The following SH3PXD2A variants were observed in gnomAD, a reference collection of about 807,000 sequenced individuals.
SH3PXD2A encodes SH3 and PX domain-containing protein 2A.
In SH3PXD2A, 32 loss-of-function variants were observed where a neutral mutation model predicts 115.2. The ratio of observed to expected loss-of-function variants is 0.28; its 90% CI spans 0.21 to 0.37. The LOEUF (loss-of-function observed/expected upper bound fraction) is 0.37, where lower values mean the gene tolerates loss of function less well. Among genes scored for constraint, SH3PXD2A ranks in the 10% least tolerant of loss-of-function variants. The pLI is 1.00. For synonymous variants in SH3PXD2A, 610 were observed against 629.1 expected (o/e 0.97, Z 0.45); for missense variants, 1,328 against 1,498.7 (o/e 0.89, Z 1.88).
At chr10:103,677,989 G>T in intron 6 of SH3PXD2A, 1 of 588,808 alleles carries the variant, frequency 1.7e-6, no homozygotes, top group Non-Finnish European at 2.9e-6. Context: ...AGTGGCTCCC[G>T]TGCAGGCCTC....
At chr10:103,612,780 G>C in intron 12 of SH3PXD2A, 73 bp downstream of exon 12, 5 of 1,094,160 alleles carry the variant, frequency 4.6e-6, no homozygotes, top group Non-Finnish European at 3.9e-6. Context: ...GCACCCCCCT[G>C]GCTTTCACGG....
rs753624367 is a variant in SH3PXD2A, at chr10:103,603,792, G to A, written c.1429-3C>T. 3 of 1,599,750 alleles carry A rather than the reference G, an allele frequency of 1.9e-6. No homozygotes were observed. The highest frequency in any genetic ancestry group is 2.7e-5 in the African/African-American group (2 of 74,824). On this transcript the variant is annotated splice_polypyrimidine_tract_variant and splice_region_variant and intron_variant, in intron 14 of 14. Transcript: ENST00000369774. ...CCACCTGAGTTCTTATCAATGACCTGGGGTACGAGTGCAGACAAGCCAGTG... is the reference window on the plus strand; with the variant it reads ...CCACCTGAGTTCTTATCAATGACCTAGGGTACGAGTGCAGACAAGCCAGTG...
intron 6 of SH3PXD2A, among the ~76,000 whole-genome samples, chr10:103,685,063 C>G (rs1210593584): frequency 1.4e-5 from 2 of 145,366 alleles, no homozygotes; most frequent in Non-Finnish European, 3.0e-5. Context: ...AAAGGCCAGT[C>G]ATGGTGGTTC....
intron 5 of SH3PXD2A, among the ~76,000 whole-genome samples, chr10:103,700,004 C>G (rs1434627812): frequency 6.6e-6 from 1 of 152,232 alleles, no homozygotes; most frequent in Non-Finnish European, 1.5e-5. Flanking sequence ...CCCCGCCCCC[C>G]AGGCATTTTG....
At chr10:103,734,281 C>G (rs2038355571) in intron 4 of SH3PXD2A, among the ~76,000 whole-genome samples, 1 of 152,190 alleles carries the variant, frequency 6.6e-6, no homozygotes, top group Admixed American at 6.5e-5. Context: ...AGTCAGGAAC[C>G]ACAGTGGGTT....
intron 1 of SH3PXD2A, among the ~76,000 whole-genome samples, chr10:103,832,500 A>T (rs2039491943): frequency 6.6e-6 from 1 of 152,206 alleles, no homozygotes; most frequent in South Asian, 2.1e-4. Context: ...CTTGGAACCA[A>T]CCCAAATGTC....
intron 7 of SH3PXD2A, chr10:103,661,680 AGGAGAGAGCG>A (rs1475080276): frequency 4.1e-5 from 40 of 984,682 alleles, no homozygotes; most frequent in Non-Finnish European, 4.8e-5. Flanking sequence ...GGAGAGGGAG[AGGAGAGAGCG>A]GGAGAGAGCT....
At chr10:103,720,388 C>T (rs565855451) in intron 5 of SH3PXD2A, among the ~76,000 whole-genome samples, 1 of 152,196 alleles carries the variant, frequency 6.6e-6, no homozygotes, top group African/African-American at 2.4e-5. Flanking sequence ...GGGTCTGGCT[C>T]TCCGCCTGCA....
chr10:103,682,985 G>C (rs1395803638), intron 6 of SH3PXD2A, among the ~76,000 whole-genome samples: 1 of 152,140 alleles, frequency 6.6e-6, no homozygotes, highest in African/African-American at 2.4e-5. Context: ...CACTCTCCAT[G>C]ACTTCCTTTC....
chr10:103,615,483 G>GGTGGGT (rs2036498902), intron 11 of SH3PXD2A, among the ~76,000 whole-genome samples: 1 of 128,524 alleles, frequency 7.8e-6, no homozygotes, highest in Non-Finnish European at 1.6e-5. Context: ...AGAGTGCGAG[G>GGTGGGT]GTGTGTGTGT....
chr10:103,605,488 T>A (rs879826307), intron 14 of SH3PXD2A, among the ~76,000 whole-genome samples: 1 of 152,234 alleles, frequency 6.6e-6, no homozygotes, highest in Non-Finnish European at 1.5e-5. Context: ...TAATCCACTG[T>A]CCTGCAAGCT....
Position 103,628,728 on chromosome 10 carries a change from C to T in SH3PXD2A, c.605-1526G>A, listed in dbSNP as rs867883456. On this transcript the variant is annotated intron_variant, in intron 8 of 14. Coordinates refer to ENST00000369774, the MANE Select transcript of SH3PXD2A (RefSeq NM_001394015.1). ...TGGAGACCACAACCTTCTCTTATGA[C>T]ACAACCCATACACACCTGAAAAAAG... is the stretch of plus-strand genomic sequence containing the variant. Among the ~76,000 whole-genome samples, 3 of 152,208 alleles carry T rather than the reference C, an allele frequency of 2.0e-5. No individual in the cohort carries two copies. In the South Asian group the frequency reaches 6.2e-4, roughly 31 times the overall value.
rs377725234 is a variant in SH3PXD2A at position 103,808,677 on chromosome 10, A to G, written c.73-7315T>C. ...TTGTGGTGCTCATAGTATGCTTTCC[A>G]TGATTAGTCAATTATTATATCTGCC... On this transcript the variant is annotated intron_variant, in intron 1 of 14. Transcript: ENST00000369774. 7.8e-4 allele frequency among the ~76,000 whole-genome samples: 118 copies of G among 152,246 alleles called. 3 individuals are homozygous for G. The South Asian group carries it at 0.023, about 30-fold the overall frequency.
At chr10:103,680,962 C>T (rs533240216) in intron 6 of SH3PXD2A, among the ~76,000 whole-genome samples, 65 of 152,258 alleles carry the variant, frequency 4.3e-4, no homozygotes, top group Non-Finnish European at 7.9e-4. Flanking sequence ...TTTGTTTTTC[C>T]GCCGGCTTTG....
In SH3PXD2A at chr10:103,617,306, A is replaced by G. The variant is rs747363516; in HGVS notation, c.811T>C (p.Tyr271His). The stretch of plus-strand genomic sequence containing the variant: ...CTGGTGTAAGGCTGCACGGTGACAT[A>G]CTTCTCCTCTGGGGGTGGGAGCAAG... ...VNRQHSREEK[Y>H]VTVQPYTSQS... The change falls in exon 11 of 15, where the codon TAT becomes CAT. Residue 271 changes from tyrosine to histidine, a missense_variant. By Grantham distance (83) the Tyr-to-His change is moderately conservative. This residue lies in a region of SH3PXD2A where 509 missense variants were observed against 628.3 expected (regional missense o/e 0.81). Transcript: ENST00000369774. The G allele has an allele frequency of 6.2e-7, 1 of 1,612,690 alleles. No individual in the cohort carries two copies. Among genetic ancestry groups the G allele is most frequent in the South Asian group, 1.1e-5 (1 of 91,048 alleles).
chr10:103,657,436 A>T (rs1238402343), intron 8 of SH3PXD2A, among the ~76,000 whole-genome samples: 1 of 152,200 alleles, frequency 6.6e-6, no homozygotes, highest in African/African-American at 2.4e-5. Context: ...GAGGCGCCTT[A>T]TGCACTTTTG....
intron 1 of SH3PXD2A, among the ~76,000 whole-genome samples, chr10:103,848,067 A>C (rs1842864592): frequency 6.6e-6 from 1 of 152,288 alleles, no homozygotes; most frequent in African/African-American, 2.4e-5. Context: ...GGCCCCCAGA[A>C]CCTACGAGGA....
Position 103,735,817 on chromosome 10 carries a change from G to T in SH3PXD2A, c.230-9C>A, listed in dbSNP as rs1413084635. ...GCGGAAGAGGATCTTGCCTGGAAGA[G>T]AGATGCTCATGAGTGGGGGATTCTG... On this transcript the variant is annotated splice_polypyrimidine_tract_variant and intron_variant, in intron 3 of 14. Coordinates refer to ENST00000369774, the MANE Select transcript of SH3PXD2A (RefSeq NM_001394015.1). 11 of 1,612,202 alleles carry T rather than the reference G, an allele frequency of 6.8e-6. No individual in the cohort carries two copies. The highest frequency in any genetic ancestry group is 9.3e-6 in the Non-Finnish European group (11 of 1,178,302).
At position 103,803,839 on chromosome 10, in the gene SH3PXD2A, T is replaced by C. The variant is rs547905318; in HGVS notation, c.73-2477A>G. Among the ~76,000 whole-genome samples the C allele has an allele frequency of 2.2e-4, 33 of 152,318 alleles. 1 individual carries two copies. Among genetic ancestry groups the C allele is most frequent in the African/African-American group, 7.0e-4 (29 of 41,572 alleles). ...CCTGATGACATGTGCCCAAGGTGGATGGGGTACAGCCTGCGTTATACATTT... is the reference window on the plus strand; with the variant it reads ...CCTGATGACATGTGCCCAAGGTGGACGGGGTACAGCCTGCGTTATACATTT... On this transcript the variant is annotated intron_variant, in intron 1 of 14. Coordinates refer to ENST00000369774, the MANE Select transcript of SH3PXD2A (RefSeq NM_001394015.1).
Sources: gnomAD v4.1 joint callset for allele counts (sites outside exome capture counted in the v4.1 genomes callset) on GRCh38, gnomAD v4.1.1 for gene constraint, gnomAD v4.1.1 regional missense constraint, MANE v1.5 for transcripts, NCBI Gene and HGNC (gene_info 2026-07-23, HGNC 2026-07-21) for gene names.